CPLANE1: variants seen among roughly 807,000 people sequenced by gnomAD.
The protein encoded by CPLANE1 is ciliogenesis and planar polarity effector 1.
A neutral mutation model predicts 362.5 loss-of-function variants in CPLANE1; 263 were observed. The ratio of observed to expected loss-of-function variants is 0.73; its 90% CI spans 0.66 to 0.80. The LOEUF (loss-of-function observed/expected upper bound fraction) is 0.80. Among genes scored for constraint, CPLANE1 ranks in the 30% least tolerant of loss-of-function variants. The pLI, the probability that CPLANE1 is intolerant of heterozygous loss-of-function variation, is 0.00. For synonymous variants in CPLANE1, 1,212 were observed against 1,302.6 expected (o/e 0.93, Z 1.50); for missense variants, 3,461 against 3,793.4 (o/e 0.91, Z 2.30).
rs554842542 is a variant in CPLANE1 at position 37,107,565 on chromosome 5, G to A, written c.*37C>T. ...TCTTTCAGAACCACATTACTGAGGT[G>A]CTGGCCTGTGCATGGAAACCCAATG... On this transcript the variant is annotated 3_prime_UTR_variant, in exon 53 of 53. Coordinates refer to ENST00000651892, the MANE Select transcript of CPLANE1 (RefSeq NM_001384732.1). 78 of 1,563,132 alleles carry A rather than the reference G, an allele frequency of 5.0e-5. No homozygotes were observed. In the East Asian group the frequency reaches 1.6e-3, roughly 31 times the overall value.
intron 8 of CPLANE1, among the ~76,000 whole-genome samples, chr5:37,234,789 T>G (rs545704040): frequency 1.3e-5 from 2 of 152,222 alleles, no homozygotes; most frequent in African/African-American, 4.8e-5. Context: ...AATTTTAAAA[T>G]TAGCAAAAGA....
At chr5:37,177,195 T>C (rs1430247980) in intron 30 of CPLANE1, among the ~76,000 whole-genome samples, 1 of 152,184 alleles carries the variant, frequency 6.6e-6, no homozygotes, top group Non-Finnish European at 1.5e-5. Flanking sequence ...CGGCAGTGTA[T>C]GTGTACATCA....
intron 31 of CPLANE1, among the ~76,000 whole-genome samples, chr5:37,175,506 G>A (rs557310638): frequency 6.6e-5 from 10 of 152,086 alleles, no homozygotes; most frequent in African/African-American, 2.4e-4. Context: ...TTCCTATTTC[G>A]GCAAGATTTC....
Position 37,209,613 on chromosome 5 carries a change from A to C in CPLANE1, c.2921-3188T>G. On this transcript the variant is annotated intron_variant, in intron 16 of 52. Transcript: ENST00000651892. The surrounding 1 kb of genome is among the most constrained non-coding windows in gnomAD (Gnocchi z 4.6). ...CTCTTTAGTGGCAGATCACTTACAA[A>C]GATGTGGCTGTGAATATTCACTTTC... is the stretch of plus-strand genomic sequence containing the variant. 7.0e-7 allele frequency: 1 copy of C among 1,437,432 alleles called. No homozygotes were observed. Among genetic ancestry groups the C allele is most frequent in the Non-Finnish European group, 9.8e-7 (1 of 1,020,484 alleles). The allele number at this position is 1,437,432 out of a possible 1,614,324, so 89.0% of individuals were successfully genotyped here.
At chr5:37,176,768 T>TC (rs11409562) in intron 30 of CPLANE1, among the ~76,000 whole-genome samples, 22,302 of 151,282 alleles carry the variant, frequency 0.15, 1,988 homozygotes, top group African/African-American at 0.24. Context: ...TTGCCTTTTT[T>TC]TTTTTTTTGA....
intron 37 of CPLANE1, among the ~76,000 whole-genome samples, 196 bp downstream of exon 37, chr5:37,164,072 TAAGTA>T (rs1024722789): frequency 3.3e-5 from 5 of 152,160 alleles, no homozygotes; most frequent in African/African-American, 1.2e-4. Flanking sequence ...ATTGTAATCA[TAAGTA>T]AAGTGCTTTC....
At chr5:37,152,698 C>A (rs986921212) in intron 42 of CPLANE1, among the ~76,000 whole-genome samples, 1 of 152,106 alleles carries the variant, frequency 6.6e-6, no homozygotes, top group African/African-American at 2.4e-5. Flanking sequence ...CTAGTTCAAG[C>A]AAAATAGGGA....
intron 43 of CPLANE1, among the ~76,000 whole-genome samples, chr5:37,147,869 C>A (rs747455105): frequency 1.1e-4 from 17 of 150,932 alleles, no homozygotes; most frequent in Non-Finnish European, 2.2e-4. Flanking sequence ...TCTGTGCAAT[C>A]CTCAGCACTA....
Position 37,183,668 on chromosome 5 carries a change from T to A in CPLANE1, c.4513A>T (p.Ile1505Phe). 6.2e-7 allele frequency: 1 copy of A among 1,603,778 alleles called. No individual in the cohort carries two copies. Among genetic ancestry groups the A allele is most frequent in the Non-Finnish European group, 8.5e-7 (1 of 1,176,844 alleles). Residue 1505 changes from isoleucine to phenylalanine, a missense_variant, in exon 26 of 53, where the codon ATT (isoleucine) becomes TTT (phenylalanine). Physicochemically the swap from Ile to Phe is conservative, Grantham distance 21. Coordinates refer to ENST00000651892, the MANE Select transcript of CPLANE1 (RefSeq NM_001384732.1). ...NAPNHMELTSIHKPTDKRKMC... is the reference protein window; with the variant it reads ...NAPNHMELTSFHKPTDKRKMC... The stretch of plus-strand genomic sequence containing the variant: ...TTCCTTTTATCAGTTGGCTTATGAA[T>A]TGATGTTAATTCCATGTGATTTGGG...
intron 24 of CPLANE1, 30 bp downstream of exon 24, chr5:37,186,256 G>A (rs752732981): frequency 9.6e-7 from 1 of 1,047,036 alleles, no homozygotes; most frequent in South Asian, 1.4e-5. Flanking sequence ...CAATTTATCT[G>A]TTAGCTATCT....
chr5:37,105,408 C>T (rs2149828986), downstream of CPLANE1, among the ~76,000 whole-genome samples: 1 of 152,284 alleles, frequency 6.6e-6, no homozygotes, highest in Middle Eastern at 3.4e-3. Context: ...CTATCAAGAA[C>T]ATACAATGGG....
At position 37,173,220 on chromosome 5, in the gene CPLANE1, T is replaced by G. The variant is rs138224035; in HGVS notation, c.6171+535A>C. 9.0e-3 allele frequency among the ~76,000 whole-genome samples: 1,373 copies of G among 152,210 alleles called. 71 individuals are homozygous for G. Among genetic ancestry groups the G allele is most frequent in the Admixed American group, 0.083 (1,267 of 15,270 alleles). The stretch of plus-strand genomic sequence containing the variant: ...ATGAAAGTCAAAGTGAACAGTAATT[T>G]GAAATGCAGCTGAGAGTTTCAACTC... On this transcript the variant is annotated intron_variant, in intron 32 of 52. Coordinates refer to ENST00000651892, the MANE Select transcript of CPLANE1 (RefSeq NM_001384732.1).
At chr5:37,183,850 T>G in intron 25 of CPLANE1, 151 bp from the exon 26 acceptor site, 1 of 586,498 alleles carries the variant, frequency 1.7e-6, no homozygotes, top group Non-Finnish European at 2.9e-6. Flanking sequence ...GGAGTGGGAC[T>G]AAATGATTTC....
At chr5:37,224,946 CTT>C (rs199801993) in intron 12 of CPLANE1, among the ~76,000 whole-genome samples, 291 of 131,194 alleles carry the variant, frequency 2.2e-3, no homozygotes, top group African/African-American at 4.9e-3. Context: ...CACCTGTAAT[CTT>C]TTTTTTTTTT....
At chr5:37,210,064 CAA>C in intron 16 of CPLANE1, 2 of 786,222 alleles carry the variant, frequency 2.5e-6, no homozygotes, top group Non-Finnish European at 4.4e-6. Context: ...AAAATGGAAG[CAA>C]AAAAAAAGTA....
intron 46 of CPLANE1, 70 bp downstream of exon 46, chr5:37,138,650 T>C: frequency 6.7e-7 from 1 of 1,492,916 alleles, no homozygotes. Flanking sequence ...CATTAAAATA[T>C]GACAAATTTT....
At chr5:37,113,836 C>T (rs984246237) in intron 51 of CPLANE1, among the ~76,000 whole-genome samples, 1 of 152,056 alleles carries the variant, frequency 6.6e-6, no homozygotes, top group Non-Finnish European at 1.5e-5. Flanking sequence ...TGTTTTGAGA[C>T]AGAGTCTCAC....
Position 37,215,601 on chromosome 5 carries a change from T to C in CPLANE1, c.2747-1869A>G, listed in dbSNP as rs527463761. Among the ~76,000 whole-genome samples, 211 of 152,264 alleles carry C rather than the reference T, an allele frequency of 1.4e-3. 1 individual carries two copies. The highest frequency in any genetic ancestry group is 6.8e-3 in the Middle Eastern group (2 of 294). On this transcript the variant is annotated intron_variant, in intron 15 of 52. Transcript: ENST00000651892. ...AATGGTCAACTGTAGTTAGTAATTA[T>C]GTGCACATACACCTAAGAACTGTTC...
intron 21 of CPLANE1, among the ~76,000 whole-genome samples, chr5:37,189,534 G>A (rs774353736): frequency 7.9e-5 from 12 of 152,166 alleles, no homozygotes; most frequent in Non-Finnish European, 1.6e-4. Context: ...CTAAGGCCAA[G>A]AACTAGCAAG....
Sources: gnomAD v4.1 joint callset for allele counts (sites outside exome capture counted in the v4.1 genomes callset) on GRCh38, gnomAD v4.1.1 for gene constraint, Gnocchi (gnomAD v3.1) non-coding constraint, MANE v1.5 for transcripts, NCBI Gene and HGNC (gene_info 2026-07-23, HGNC 2026-07-21) for gene names.